The following LAMB4 variants were observed in gnomAD, a reference collection of about 807,000 sequenced individuals.
LAMB4 encodes laminin subunit beta 4.
In LAMB4, 196 loss-of-function variants were observed where a neutral mutation model predicts 199.2. That is an observed-to-expected ratio of 0.98 (90% CI 0.88 to 1.11). The LOEUF is 1.11. Ranked by LOEUF, LAMB4 falls within the 50% of genes least tolerant of loss-of-function variation. LAMB4 has a pLI of 0.00. For missense variants in LAMB4, 2,080 were observed against 2,171.2 expected (o/e 0.96, Z 0.83); for synonymous variants, 744 against 770.6 (o/e 0.97, Z 0.57).
At chr7:108,093,005 A>G (rs2037467470) in intron 12 of LAMB4, among the ~76,000 whole-genome samples, 1 of 152,184 alleles carries the variant, frequency 6.6e-6, no homozygotes, top group South Asian at 2.1e-4. Flanking sequence ...ATCATCAGTT[A>G]TGCTCAATCT....
chr7:108,048,000 G>C lies in LAMB4; in HGVS notation c.4234C>G (p.Leu1412Val). Residue 1412 changes from leucine to valine, a missense_variant, in exon 28 of 34, where the codon CTG becomes GTG. Transcript: ENST00000388781. ...KCRGPGCHGS[L>V]TLSTNALQKA... is the part of the protein sequence containing the mutation. ...TGGAGGGCATTCGTTGAGAGGGTCA[G>C]GGAGCCGTGACAGCCGGGACCCCTA... 6.2e-7 allele frequency: 1 copy of C among 1,614,160 alleles called. No homozygotes were observed. Among genetic ancestry groups the C allele is most frequent in the African/African-American group, 1.3e-5 (1 of 75,050 alleles).
rs373835166 is a variant in LAMB4 at position 108,032,095 on chromosome 7, A to G, written c.4819-1116T>C. On this transcript the variant is annotated intron_variant, in intron 31 of 33. Coordinates refer to ENST00000388781, the MANE Select transcript of LAMB4 (RefSeq NM_007356.3). ...TCATTATTTCTGATGACTCTTGTTT[A>G]AAGGCAATTTGTGGCTGGGCACGGT... 6.8e-4 allele frequency among the ~76,000 whole-genome samples: 103 copies of G among 152,280 alleles called. 1 individual carries two copies. In the South Asian group the frequency reaches 0.021, roughly 31 times the overall value.
At chr7:108,053,554 G>C (rs2035890622) in intron 25 of LAMB4, among the ~76,000 whole-genome samples, 1 of 152,228 alleles carries the variant, frequency 6.6e-6, no homozygotes, top group Admixed American at 6.5e-5. Flanking sequence ...TCAGGGAGGA[G>C]GTGATGTTTG....
At chr7:108,028,109 T>A (rs57537816) in intron 33 of LAMB4, among the ~76,000 whole-genome samples, 6,298 of 152,162 alleles carry the variant, frequency 0.041, 437 homozygotes, top group African/African-American at 0.14. Flanking sequence ...CAACACTTTG[T>A]GTGCATCAGA....
chr7:108,102,700 A>C (rs1315796939), intron 10 of LAMB4, among the ~76,000 whole-genome samples: 2 of 152,228 alleles, frequency 1.3e-5, no homozygotes, highest in Non-Finnish European at 2.9e-5. Context: ...TAGCTTATGC[A>C]TCTTAACAGC....
rs1323363314 is a variant in LAMB4 at position 108,069,720 on chromosome 7, C to T, written c.2290G>A (p.Asp764Asn). 2 of 1,613,648 alleles carry T rather than the reference C, an allele frequency of 1.2e-6. No individual in the cohort carries two copies. Among genetic ancestry groups the T allele is most frequent in the Non-Finnish European group, 1.7e-6 (2 of 1,179,670 alleles). Reference sequence around the variant, plus strand: ...AACAGATACTTACCCACAGCCCCATCATGCAGCTTGGCAGACATGCTGATG... The same window carrying T: ...AACAGATACTTACCCACAGCCCCATTATGCAGCTTGGCAGACATGCTGATG... ...LIISMSAKLHDGAVACKCHPQ... is the reference protein window; with the variant it reads ...LIISMSAKLHNGAVACKCHPQ... Residue 764 changes from aspartate (D) to asparagine (N), a missense_variant, in exon 18 of 34, where the codon GAT becomes AAT. Physicochemically the swap from Asp to Asn is conservative, Grantham distance 23. Coordinates refer to ENST00000388781, the MANE Select transcript of LAMB4 (RefSeq NM_007356.3).
chr7:108,092,473 T>A (rs1462871250), intron 12 of LAMB4, 57 bp from the exon 13 acceptor site: 2 of 1,288,218 alleles, frequency 1.6e-6, no homozygotes, highest in Non-Finnish European at 2.3e-6. Flanking sequence ...TGCTCTGAAG[T>A]GCAACACTGA....
chr7:108,037,543 G>A lies in LAMB4; in HGVS notation c.4524C>T (p.Asp1508=), dbSNP rs2035273770. Residue 1508 remains aspartate, a synonymous_variant, in exon 30 of 34, where the codon GAC becomes GAT. Coordinates refer to ENST00000388781, the MANE Select transcript of LAMB4 (RefSeq NM_007356.3). The part of the protein sequence containing the change: ...DIEKVANGVL[D]IHLPIPSQNL... ...TTTGGGATGGAATTGGTAGGTGAATGTCAAGCACACCATTCGCAACCTTCT... is the reference window on the plus strand; with the variant it reads ...TTTGGGATGGAATTGGTAGGTGAATATCAAGCACACCATTCGCAACCTTCT... 6.2e-7 allele frequency: 1 copy of A among 1,614,156 alleles called. No individual in the cohort carries two copies. The highest frequency in any genetic ancestry group is 8.5e-7 in the Non-Finnish European group (1 of 1,180,014).
rs1313902740 is a variant in LAMB4, at chr7:108,034,212, A to G, written c.4814T>C (p.Leu1605Pro). 3 of 1,614,076 alleles carry G rather than the reference A, an allele frequency of 1.9e-6. No homozygotes were observed. Among genetic ancestry groups the G allele is most frequent in the Non-Finnish European group, 2.5e-6 (3 of 1,179,982 alleles). Reference protein sequence around the residue: ...ANITKIKKNVLQAENQTREMK... With the variant: ...ANITKIKKNVPQAENQTREMK... ...AGTTTCAAAGAAGACAAATACCTGC[A>G]GCACATTCTTTTTTATTTTTGTTAT... Residue 1605 changes from leucine (L) to proline (P), a missense_variant, in exon 31 of 34, where the codon CTG (leucine) becomes CCG (proline). Transcript: ENST00000388781.
intron 21 of LAMB4, among the ~76,000 whole-genome samples, chr7:108,064,457 G>A (rs2036267998): frequency 6.6e-6 from 1 of 152,260 alleles, no homozygotes; most frequent in African/African-American, 2.4e-5. Context: ...AGCAAGAGCA[G>A]TTTTCATGAC....
chr7:108,070,898 A>C (rs2036510505), intron 17 of LAMB4, among the ~76,000 whole-genome samples: 1 of 152,138 alleles, frequency 6.6e-6, no homozygotes, highest in Non-Finnish European at 1.5e-5. Context: ...CTTACTACAC[A>C]GAGGAAACAG....
chr7:108,062,951 G>C lies in LAMB4; in HGVS notation c.3105C>G (p.Pro1035=). Reference sequence around the variant, plus strand: ...CACAGAGGCAAGCTCCCCCACCAGGGGGACACTCCATGGGACTCACGCCGG... The same window carrying C: ...CACAGAGGCAAGCTCCCCCACCAGGCGGACACTCCATGGGACTCACGCCGG... ...HASGVSPMEC[P]PGGGACLCDP... is the part of the protein sequence containing the mutation. Residue 1035 remains proline, a synonymous_variant, in exon 23 of 34, where the codon CCC becomes CCG. Transcript: ENST00000388781. The C allele has an allele frequency of 6.2e-7, 1 of 1,604,636 alleles. No individual in the cohort carries two copies. Among genetic ancestry groups the C allele is most frequent in the Non-Finnish European group, 8.5e-7 (1 of 1,176,168 alleles).
At chr7:108,075,980 GGAAAATATGTTCCA>G (rs2036687559) in intron 17 of LAMB4, 1 of 153,288 alleles carries the variant, frequency 6.5e-6, no homozygotes, top group Non-Finnish European at 1.5e-5. Context: ...AAAATGAATT[GGAAAATATGTTCCA>G]GAAAATATTT....
At chr7:108,046,536 G>A (rs993757606) in intron 28 of LAMB4, among the ~76,000 whole-genome samples, 4 of 151,846 alleles carry the variant, frequency 2.6e-5, no homozygotes, top group Non-Finnish European at 4.4e-5. Context: ...AGATTGGGGA[G>A]CACACCACTA....
chr7:108,109,285 GA>G, intron 4 of LAMB4, 41 bp from the exon 5 acceptor site: 2 of 1,401,656 alleles, frequency 1.4e-6, no homozygotes, highest in South Asian at 2.3e-5. Context: ...GTGATTTTGA[GA>G]GACTTCTGCT....
At chr7:108,039,117 A>T (rs1404984495) in intron 29 of LAMB4, among the ~76,000 whole-genome samples, 1 of 152,142 alleles carries the variant, frequency 6.6e-6, no homozygotes, top group East Asian at 1.9e-4. Flanking sequence ...TACAGGAGCT[A>T]AAGCTCAGGG....
the LAMB4 span, among the ~76,000 whole-genome samples, chr7:108,015,620 A>G: frequency 6.6e-6 from 1 of 152,132 alleles, no homozygotes; most frequent in Non-Finnish European, 1.5e-5. Flanking sequence ...TTGTTTTCCT[A>G]TATAATCAAA....
chr7:108,102,081 C>A (rs919842390), intron 10 of LAMB4, among the ~76,000 whole-genome samples: 2 of 152,056 alleles, frequency 1.3e-5, no homozygotes, highest in Non-Finnish European at 2.9e-5. Context: ...ACTCCATGGC[C>A]CAGAAATTCC....
chr7:108,038,163 CTTT>C (rs199791625), intron 29 of LAMB4, among the ~76,000 whole-genome samples: 85 of 146,856 alleles, frequency 5.8e-4, no homozygotes, highest in African/African-American at 2.1e-3. Flanking sequence ...TATAAAGAAA[CTTT>C]TTTTTTTTTG....
Sources: gnomAD v4.1 joint callset for allele counts (sites outside exome capture counted in the v4.1 genomes callset) on GRCh38, gnomAD v4.1.1 for gene constraint, MANE v1.5 for transcripts, NCBI Gene and HGNC (gene_info 2026-07-23, HGNC 2026-07-21) for gene names.